TAFA1: variants seen among roughly 807,000 people sequenced by gnomAD.
The protein encoded by TAFA1 is chemokine-like protein TAFA-1.
TAFA1 carries 4 observed loss-of-function variants against 18.5 expected under a neutral mutation model. The ratio of observed to expected loss-of-function variants is 0.22; its 90% confidence interval spans 0.11 to 0.49. The LOEUF is 0.49. TAFA1 is among the 20% of genes least tolerant of loss of function. The probability of loss-of-function intolerance (pLI) is 0.98; values close to 1 mark genes in which losing one functional copy is unlikely to be tolerated. For synonymous variants in TAFA1, 56 were observed against 55.2 expected, an observed-to-expected ratio of 1.01 and a Z score of -0.06; for missense variants, 147 against 169.0, an observed-to-expected ratio of 0.87 and a Z score of 0.72.
At chr3:68,234,845 G>A (rs1352056827) in intron 2 of TAFA1, among the ~76,000 whole-genome samples, 1 of 152,208 alleles carries the variant, frequency 6.6e-6, no homozygotes, top group African/African-American at 2.4e-5. Flanking sequence ...AAGTGGCAGA[G>A]CAGGTGACTT....
intron 2 of TAFA1, among the ~76,000 whole-genome samples, chr3:68,161,589 C>G (rs2065925287): frequency 6.6e-6 from 1 of 152,172 alleles, no homozygotes. Context: ...AATTCATTTT[C>G]AGCTTCAAAA....
rs78666357 is a variant in TAFA1 at position 68,224,621 on chromosome 3, A to T, written c.119-192659A>T. Reference sequence around the variant, plus strand: ...GTTGGTAGCAAAGGTCACTGGACAGAGAGGCTAGTGATTAGAGTCACCCTC... The same window carrying T: ...GTTGGTAGCAAAGGTCACTGGACAGTGAGGCTAGTGATTAGAGTCACCCTC... On this transcript the variant is annotated intron_variant, in intron 2 of 4. Coordinates refer to ENST00000478136, the MANE Select transcript of TAFA1 (RefSeq NM_213609.4). Among the ~76,000 whole-genome samples the T allele has an allele frequency of 2.6e-5, 4 of 152,116 alleles. No individual in the cohort carries two copies. The East Asian group carries it at 7.7e-4, about 29-fold the overall frequency.
At chr3:68,202,760 T>C (rs1452979516) in intron 2 of TAFA1, among the ~76,000 whole-genome samples, 1 of 151,752 alleles carries the variant, frequency 6.6e-6, no homozygotes, top group Non-Finnish European at 1.5e-5. Flanking sequence ...AAATAAGTAT[T>C]AGATATCCTA....
At chr3:68,190,505 G>A (rs1357804299) in intron 2 of TAFA1, among the ~76,000 whole-genome samples, 3 of 151,852 alleles carry the variant, frequency 2.0e-5, no homozygotes, top group Admixed American at 6.6e-5. Flanking sequence ...TTCTGACAAT[G>A]TGCTTTTAAG....
chr3:68,046,404 T>G (rs1276339426), intron 2 of TAFA1, among the ~76,000 whole-genome samples: 3 of 152,204 alleles, frequency 2.0e-5, no homozygotes, highest in Non-Finnish European at 4.4e-5. Context: ...AATTTCAACT[T>G]TATTAAAAAA....
intron 2 of TAFA1, among the ~76,000 whole-genome samples, chr3:68,365,533 G>A (rs2069550164): frequency 6.6e-6 from 1 of 152,166 alleles, no homozygotes; most frequent in Admixed American, 6.5e-5. Context: ...GGAGGGAGAA[G>A]GGATGTTGAC....
chr3:68,041,943 A>C (rs1705173637), intron 2 of TAFA1, among the ~76,000 whole-genome samples: 1 of 152,184 alleles, frequency 6.6e-6, no homozygotes, highest in Admixed American at 6.5e-5. Context: ...GATTGCAAAC[A>C]TATCTTACAA....
At chr3:68,348,541 G>C (rs947026536) in intron 2 of TAFA1, among the ~76,000 whole-genome samples, 1 of 152,084 alleles carries the variant, frequency 6.6e-6, no homozygotes, top group East Asian at 1.9e-4. Flanking sequence ...TCCTAATTTT[G>C]TTCCTGTAGA....
chr3:68,182,707 GC>G, intron 2 of TAFA1, among the ~76,000 whole-genome samples: 1 of 152,042 alleles, frequency 6.6e-6, no homozygotes, highest in Non-Finnish European at 1.5e-5. Context: ...ATGTCTTACA[GC>G]CCTTAAGTCA....
At chr3:68,462,660 G>C (rs938989925) in intron 3 of TAFA1, among the ~76,000 whole-genome samples, 1 of 152,090 alleles carries the variant, frequency 6.6e-6, no homozygotes, top group Non-Finnish European at 1.5e-5. Flanking sequence ...ATTACTACTA[G>C]TTTTGTCTTA....
intron 2 of TAFA1, among the ~76,000 whole-genome samples, chr3:68,356,341 T>A (rs1205240875): frequency 6.6e-6 from 1 of 151,780 alleles, no homozygotes; most frequent in African/African-American, 2.4e-5. Flanking sequence ...CTAAGGGTGG[T>A]TGTGAGTATA....
intron 3 of TAFA1, among the ~76,000 whole-genome samples, chr3:68,472,511 C>CAA (rs2072017658): frequency 6.6e-6 from 1 of 151,488 alleles, no homozygotes; most frequent in Non-Finnish European, 1.5e-5. Context: ...AATACACACA[C>CAA]ACACACACAC....
chr3:68,059,393 G>A (rs999392360), intron 2 of TAFA1, among the ~76,000 whole-genome samples: 2 of 152,162 alleles, frequency 1.3e-5, no homozygotes, highest in Non-Finnish European at 2.9e-5. Context: ...GAAAGGCTAA[G>A]TAACCTCCTC....
intron 2 of TAFA1, among the ~76,000 whole-genome samples, chr3:68,314,140 GTTT>G (rs2068566892): frequency 6.6e-6 from 1 of 152,112 alleles, no homozygotes; most frequent in African/African-American, 2.4e-5. Context: ...TTTGGTTGTT[GTTT>G]TTCCTATGGT....
At chr3:68,532,235 C>CAGG (rs1272633534) in intron 3 of TAFA1, among the ~76,000 whole-genome samples, 1 of 152,092 alleles carries the variant, frequency 6.6e-6, no homozygotes, top group Non-Finnish European at 1.5e-5. Context: ...CGGGTCTTCC[C>CAGG]AGGAGGAGGA....
At chr3:68,213,523 C>T (rs1559560928) in intron 2 of TAFA1, among the ~76,000 whole-genome samples, 1 of 152,068 alleles carries the variant, frequency 6.6e-6, no homozygotes, top group Non-Finnish European at 1.5e-5. Context: ...CTTCCCTTTA[C>T]TTTCATGTAT....
At chr3:68,383,063 A>G (rs184887698) in intron 2 of TAFA1, among the ~76,000 whole-genome samples, 3 of 152,216 alleles carry the variant, frequency 2.0e-5, no homozygotes, top group African/African-American at 7.2e-5. Flanking sequence ...GTATCCTGAG[A>G]CTTAGTCAAA....
intron 2 of TAFA1, among the ~76,000 whole-genome samples, chr3:68,039,432 CT>C (rs1043758449): frequency 6.6e-6 from 1 of 152,000 alleles, no homozygotes; most frequent in African/African-American, 2.4e-5. Flanking sequence ...CAGTTTGAGT[CT>C]TTTTAGGTCG....
chr3:68,263,141 A>G (rs546546993), intron 2 of TAFA1, among the ~76,000 whole-genome samples: 9 of 152,236 alleles, frequency 5.9e-5, no homozygotes, highest in African/African-American at 2.2e-4. Context: ...TATGATGCCC[A>G]GGCTGGACTC....
Sources: gnomAD v4.1 joint callset for allele counts (sites outside exome capture counted in the v4.1 genomes callset) on GRCh38, gnomAD v4.1.1 for gene constraint, MANE v1.5 for transcripts, NCBI Gene and HGNC (gene_info 2026-07-23, HGNC 2026-07-21) for gene names.